Variants in PHACTR2 observed in about 807,000 individuals in gnomAD.
PHACTR2 encodes the protein chromosome 6 open reading frame 56.
PHACTR2 carries 30 observed loss-of-function variants against 76.0 expected under a neutral mutation model. The observed-to-expected ratio is 0.39, with a 90% CI of 0.30 to 0.54. The LOEUF (loss-of-function observed/expected upper bound fraction) is 0.54, where lower values mean the gene tolerates loss of function less well. Ranked by LOEUF, PHACTR2 falls within the 20% of genes least tolerant of loss-of-function variation. PHACTR2 has a pLI of 0.61. For missense variants in PHACTR2, 696 were observed against 781.1 expected (o/e 0.89, Z 1.30); for synonymous variants, 292 against 292.5 (o/e 1.00, Z 0.02).
In PHACTR2 at chr6:143,627,315, G is replaced by A. The variant is rs1202513218; in HGVS notation, c.13+18993G>A. ...AAACTAAGATAGCTTTACTCAGTTC[G>A]ATAACTTGCCTTATTCATCAGACTT... On this transcript the variant is annotated intron_variant, in intron 1 of 11. Transcript: ENST00000305766. The surrounding 1 kb of genome is among the most constrained non-coding windows in gnomAD (Gnocchi z 4.3). Among the ~76,000 whole-genome samples, 2 of 152,164 alleles carry A rather than the reference G, an allele frequency of 1.3e-5. No individual in the cohort carries two copies. Among genetic ancestry groups the A allele is most frequent in the East Asian group, 1.9e-4 (1 of 5,202 alleles).
In PHACTR2 at chr6:143,678,050, G is replaced by T; in HGVS notation, c.-114G>T. The stretch of plus-strand genomic sequence containing the variant: ...GGTAGAAGGTGAGGGGACCCGGCGG[G>T]CCGCTCGGCACAGGCCGGGACATGA... On this transcript the variant is annotated 5_prime_UTR_variant, in exon 1 of 13. Transcript: ENST00000440869. This position sits in a 1 kb window ranked among gnomAD's most constrained non-coding sequence, Gnocchi z 6.2. 1.3e-6 allele frequency: 2 copies of T among 1,524,506 alleles called. No individual in the cohort carries two copies. The highest frequency in any genetic ancestry group is 1.2e-5 in the South Asian group (1 of 82,818). 94.4% of individuals were successfully genotyped at this position (1,524,506 alleles called of 1,614,324 possible).
chr6:143,747,933 A>G (rs1779102472), intron 2 of PHACTR2, among the ~76,000 whole-genome samples: 1 of 152,224 alleles, frequency 6.6e-6, no homozygotes, highest in Admixed American at 6.5e-5. Context: ...CAAGGGGAAC[A>G]CAATTGAGAT....
chr6:143,661,140 A>T (rs1776940503), intron 1 of PHACTR2, among the ~76,000 whole-genome samples: 1 of 152,234 alleles, frequency 6.6e-6, no homozygotes, highest in African/African-American at 2.4e-5. Context: ...TACAATGAAA[A>T]ACTCTAGATG....
At chr6:143,737,861 T>C (rs1778853707) in intron 2 of PHACTR2, among the ~76,000 whole-genome samples, 2 of 152,348 alleles carry the variant, frequency 1.3e-5, no homozygotes, top group Middle Eastern at 3.4e-3. Flanking sequence ...TTACAAATAC[T>C]GTGCTCTCTG....
intron 1 of PHACTR2, among the ~76,000 whole-genome samples, chr6:143,645,583 T>C (rs1465019287): frequency 6.6e-6 from 1 of 152,230 alleles, no homozygotes; most frequent in Non-Finnish European, 1.5e-5. Flanking sequence ...GGCAAGGTTG[T>C]ATTATTGATA....
Position 143,774,264 on chromosome 6 carries a change from C to T in PHACTR2, c.1589+49C>T. 1 of 1,476,030 alleles carries T rather than the reference C, an allele frequency of 6.8e-7. No individual in the cohort carries two copies. Among genetic ancestry groups the T allele is most frequent in the Non-Finnish European group, 9.4e-7 (1 of 1,063,204 alleles). 91.4% of individuals were successfully genotyped at this position (1,476,030 alleles called of 1,614,324 possible). A position where few individuals can be genotyped will look rare whatever the true frequency, so the allele number is the denominator to read the frequency against. On this transcript the variant is annotated intron_variant, in intron 8 of 12. Coordinates refer to ENST00000440869, the MANE Select transcript of PHACTR2 (RefSeq NM_001100164.2). The surrounding 1 kb of genome is among the most constrained non-coding windows in gnomAD (Gnocchi z 5.4). ...GTACTGACTAATTTGTATTTTTCTC[C>T]CTCCCAAAGCTTCCTACCTAACTGG...
chr6:143,578,729 AGAT>A lies in PHACTR2; in HGVS notation c.217+41528_217+41530del, dbSNP rs2128432757. Among the ~76,000 whole-genome samples, 2 of 152,182 alleles carry A rather than the reference AGAT, an allele frequency of 1.3e-5. No individual in the cohort carries two copies. The highest frequency in any genetic ancestry group is 4.8e-5 in the African/African-American group (2 of 41,530). On this transcript the variant is annotated intron_variant, in intron 1 of 11. Transcript: ENST00000367584. The surrounding 1 kb of genome is among the most constrained non-coding windows in gnomAD (Gnocchi z 4.5). ...AAGACGATTATAACAATGGAGAGGT[AGAT>A]GATGAAGAAGATGAAGAAGACCTTG...
chr6:143,732,038 GTC>G (rs1431299296), intron 2 of PHACTR2, among the ~76,000 whole-genome samples: 3 of 152,110 alleles, frequency 2.0e-5, no homozygotes, highest in Non-Finnish European at 4.4e-5. Flanking sequence ...CTTCCATAAA[GTC>G]TATGTGCAAA....
upstream of PHACTR2, among the ~76,000 whole-genome samples, chr6:143,676,743 TAA>T (rs551563271): frequency 6.9e-6 from 1 of 144,546 alleles, no homozygotes. This position sits in a 1 kb window ranked among gnomAD's most constrained non-coding sequence, Gnocchi z 4.8. Context: ...TCAATTTCAT[TAA>T]AAAAAAAAAA....
rs1775400483 is a variant in PHACTR2, at chr6:143,780,471, T to A, written c.1646-2748T>A. ...CACCAAAAATTGAAAAAACAAAACATCTACATGGAAACATGTAAAAAGCAG... is the reference window on the plus strand; with the variant it reads ...CACCAAAAATTGAAAAAACAAAACAACTACATGGAAACATGTAAAAAGCAG... On this transcript the variant is annotated intron_variant, in intron 9 of 12. Transcript: ENST00000440869. The surrounding 1 kb of genome is among the most constrained non-coding windows in gnomAD (Gnocchi z 4.4). 1.3e-5 allele frequency among the ~76,000 whole-genome samples: 2 copies of A among 152,026 alleles called. No homozygotes were observed. Among genetic ancestry groups the A allele is most frequent in the South Asian group, 2.1e-4 (1 of 4,818 alleles).
In PHACTR2 at chr6:143,617,371, C is replaced by T. The variant is rs919455086; in HGVS notation, c.13+9049C>T. Among the ~76,000 whole-genome samples the T allele has an allele frequency of 6.6e-6, 1 of 152,218 alleles. No homozygotes were observed. The highest frequency in any genetic ancestry group is 6.5e-5 in the Admixed American group (1 of 15,290). ...TTAAAAGTCTTGAGGGCAGATGCCACATCATAGACATCTTTTATGTCTTCC... is the reference window on the plus strand; with the variant it reads ...TTAAAAGTCTTGAGGGCAGATGCCATATCATAGACATCTTTTATGTCTTCC... On this transcript the variant is annotated intron_variant, in intron 1 of 11. Coordinates refer to the PHACTR2 transcript ENST00000305766. This position sits in a 1 kb window ranked among gnomAD's most constrained non-coding sequence, Gnocchi z 4.8.
intron 1 of PHACTR2, among the ~76,000 whole-genome samples, chr6:143,703,996 A>T (rs117946728): frequency 0.014 from 2,172 of 152,166 alleles, 31 homozygotes; most frequent in Non-Finnish European, 0.021. Flanking sequence ...CACAGTACTG[A>T]TAATGAGAAA....
Position 143,549,180 on chromosome 6 carries a change from T to A in PHACTR2, c.217+11973T>A, listed in dbSNP as rs1775049759. ...CATTCAAGGCAGCCCTCAGTGGTCA[T>A]TTAACCAGATCTCCTCATTCCTTCA... is the stretch of plus-strand genomic sequence containing the variant. On this transcript the variant is annotated intron_variant, in intron 1 of 11. Transcript: ENST00000367584. The surrounding 1 kb of genome is among the most constrained non-coding windows in gnomAD (Gnocchi z 4.2). Among the ~76,000 whole-genome samples, 1 of 152,018 alleles carries A rather than the reference T, an allele frequency of 6.6e-6. No individual in the cohort carries two copies. Among genetic ancestry groups the A allele is most frequent in the South Asian group, 2.1e-4 (1 of 4,814 alleles).
In PHACTR2 at chr6:143,669,005, T is replaced by C. The variant is rs527268368; in HGVS notation, c.14-43011T>C. On this transcript the variant is annotated intron_variant, in intron 1 of 11. Transcript: ENST00000305766. ...TCTTTCCTGCTTTCTCCTGTAGGCA[T>C]TTAGTGCTATAAATTTCCCTCTACA... Among the ~76,000 whole-genome samples the C allele has an allele frequency of 3.7e-4, 56 of 152,332 alleles. No homozygotes were observed. In the East Asian group the frequency reaches 9.8e-3, roughly 27 times the overall value.
intron 1 of PHACTR2, among the ~76,000 whole-genome samples, chr6:143,707,628 T>C (rs1334264367): frequency 6.6e-6 from 1 of 152,232 alleles, no homozygotes; most frequent in Non-Finnish European, 1.5e-5. Context: ...CAACAAACTC[T>C]ATTAGGTAGA....
Position 143,618,283 on chromosome 6 carries a change from A to ACACG in PHACTR2, c.13+9965_13+9968dup, listed in dbSNP as rs1554215162. ...CACACACACACACACACACACACAC[A>ACACG]CACGCACACTCCAGAATGAGTTTCA... On this transcript the variant is annotated intron_variant, in intron 1 of 11. Coordinates refer to the PHACTR2 transcript ENST00000305766. The surrounding 1 kb of genome is among the most constrained non-coding windows in gnomAD (Gnocchi z 5.2). Among the ~76,000 whole-genome samples the ACACG allele has an allele frequency of 1.4e-4, 20 of 147,470 alleles. No individual in the cohort carries two copies. The highest frequency in any genetic ancestry group is 4.4e-4 in the African/African-American group (18 of 40,792).
In PHACTR2 at chr6:143,738,595, A is replaced by G. The variant is rs991362228; in HGVS notation, c.215-10390A>G. Among the ~76,000 whole-genome samples the G allele has an allele frequency of 2.0e-5, 3 of 151,938 alleles. No individual in the cohort carries two copies. The highest frequency in any genetic ancestry group is 7.3e-5 in the African/African-American group (3 of 41,356). Reference sequence around the variant, plus strand: ...CAAAACCCCATCTCTTAAAAAAAATACAAAACAAAAATTAGCTGGGCATGG... The same window carrying G: ...CAAAACCCCATCTCTTAAAAAAAATGCAAAACAAAAATTAGCTGGGCATGG... On this transcript the variant is annotated intron_variant, in intron 2 of 12. Coordinates refer to ENST00000440869, the MANE Select transcript of PHACTR2 (RefSeq NM_001100164.2). The surrounding 1 kb of genome is among the most constrained non-coding windows in gnomAD (Gnocchi z 4.0).
Position 143,811,861 on chromosome 6 carries a change from AT to A in PHACTR2, c.1922+4731del, listed in dbSNP as rs916020227. 1.3e-5 allele frequency among the ~76,000 whole-genome samples: 2 copies of A among 152,232 alleles called. No homozygotes were observed. Among genetic ancestry groups the A allele is most frequent in the Admixed American group, 1.3e-4 (2 of 15,290 alleles). On this transcript the variant is annotated intron_variant, in intron 12 of 12. Coordinates refer to ENST00000440869, the MANE Select transcript of PHACTR2 (RefSeq NM_001100164.2). The surrounding 1 kb of genome is among the most constrained non-coding windows in gnomAD (Gnocchi z 4.1). ...ATACAAAAACATGATCCAGTTTTAC[AT>A]TTAGCAAATTGTTCATAAAAAAGGT...
At chr6:143,637,527 G>A (rs2128443250) in intron 1 of PHACTR2, among the ~76,000 whole-genome samples, 1 of 152,268 alleles carries the variant, frequency 6.6e-6, no homozygotes, top group East Asian at 1.9e-4. Flanking sequence ...CACAAATTTA[G>A]CAGCTTAACA....
Sources: allele counts gnomAD v4.1 joint callset (sites outside exome capture counted in the v4.1 genomes callset), GRCh38; gene constraint gnomAD v4.1.1; non-coding constraint Gnocchi (gnomAD v3.1); transcripts MANE v1.5; gene names NCBI Gene and HGNC (gene_info 2026-07-23, HGNC 2026-07-21).